The following FBXO42 variants were observed in gnomAD, a reference collection of about 807,000 sequenced individuals.
The protein encoded by FBXO42 is F-box only protein 42.
A neutral mutation model predicts 71.7 loss-of-function variants in FBXO42; 12 were observed. The ratio of observed to expected loss-of-function variants is 0.17; its 90% CI spans 0.11 to 0.27. The LOEUF is 0.27. Ranked by LOEUF, FBXO42 falls within the 10% of genes least tolerant of loss-of-function variation. The pLI is 1.00. For synonymous variants in FBXO42, 325 were observed against 327.5 expected (o/e 0.99, Z 0.08); for missense variants, 707 against 911.9 (o/e 0.78, Z 2.89).
At chr1:16,328,031 C>T (rs1337517856) in intron 1 of FBXO42, among the ~76,000 whole-genome samples, 1 of 152,060 alleles carries the variant, frequency 6.6e-6, no homozygotes, top group East Asian at 1.9e-4. Context: ...AAATGATAGA[C>T]ATATCCAAGT....
intron 4 of FBXO42, among the ~76,000 whole-genome samples, chr1:16,291,751 A>G (rs937934772): frequency 6.6e-6 from 1 of 152,060 alleles, no homozygotes; most frequent in African/African-American, 2.4e-5. Flanking sequence ...CACTCACTGT[A>G]GCCTTGAACT....
chr1:16,264,865 T>C (rs1456656300), intron 4 of FBXO42, among the ~76,000 whole-genome samples: 1 of 152,234 alleles, frequency 6.6e-6, no homozygotes, highest in African/African-American at 2.4e-5. Context: ...ATTTCACATA[T>C]GATGGTGGTA....
intron 4 of FBXO42, among the ~76,000 whole-genome samples, chr1:16,286,321 G>A (rs772011414): frequency 1.3e-5 from 2 of 152,176 alleles, no homozygotes; most frequent in Non-Finnish European, 2.9e-5. Flanking sequence ...TTGACTCACA[G>A]TTCCGCATTG....
intron 2 of FBXO42, among the ~76,000 whole-genome samples, chr1:16,310,014 T>C (rs989159928): frequency 6.6e-6 from 1 of 151,404 alleles, no homozygotes; most frequent in African/African-American, 2.4e-5. Flanking sequence ...GCTAACACAG[T>C]GAAACCCCGT....
chr1:16,310,736 T>C (rs2082304704), intron 2 of FBXO42, among the ~76,000 whole-genome samples: 3 of 152,160 alleles, frequency 2.0e-5, no homozygotes. Flanking sequence ...GGCTCACGTC[T>C]GTAATCCTAG....
At chr1:16,255,059 G>T (rs966184171) in intron 6 of FBXO42, among the ~76,000 whole-genome samples, 15 of 152,142 alleles carry the variant, frequency 9.9e-5, no homozygotes, top group African/African-American at 3.1e-4. Flanking sequence ...AGCCCAAAAG[G>T]GCAAGAGCTG....
intron 1 of FBXO42, among the ~76,000 whole-genome samples, chr1:16,346,513 C>T (rs1027634635): frequency 6.6e-6 from 1 of 151,596 alleles, no homozygotes; most frequent in Non-Finnish European, 1.5e-5. Flanking sequence ...ACAGTGAAAC[C>T]CCGTCTCCAC....
At chr1:16,320,360 CAAAAAAA>C (rs35441053) in intron 1 of FBXO42, among the ~76,000 whole-genome samples, 1 of 113,486 alleles carries the variant, frequency 8.8e-6, no homozygotes, top group Non-Finnish European at 1.7e-5. Context: ...AACTCCATGT[CAAAAAAA>C]AAAAAAAAAA....
Position 16,247,085 on chromosome 1 carries a change from G to C in FBXO42, c.*3585C>G, listed in dbSNP as rs2081541515. 1.3e-5 allele frequency: 2 copies of C among 152,248 alleles called. No homozygotes were observed. The highest frequency in any genetic ancestry group is 2.9e-5 in the Non-Finnish European group (2 of 68,074). The allele number at this position is 152,248 out of a possible 1,614,324, so 9.4% of individuals were successfully genotyped here. On this transcript the variant is annotated 3_prime_UTR_variant, in exon 10 of 10. Transcript: ENST00000375592. ...TGTGCACTGACATGAACCCTGGTTG[G>C]AGGGAGGGGAGCAGAGCAAGTAGAG...
chr1:16,270,334 A>C (rs1483193981), intron 4 of FBXO42, among the ~76,000 whole-genome samples: 2 of 152,176 alleles, frequency 1.3e-5, no homozygotes, highest in African/African-American at 2.4e-5. Flanking sequence ...CATTCAAACC[A>C]TGGCAAGCCC....
At chr1:16,311,030 T>C (rs1028289922) in intron 2 of FBXO42, among the ~76,000 whole-genome samples, 2 of 145,500 alleles carry the variant, frequency 1.4e-5, no homozygotes, top group African/African-American at 5.2e-5. Context: ...ACAACCCAAT[T>C]AAAAAATGGG....
chr1:16,287,024 C>T (rs2082028686), intron 4 of FBXO42, among the ~76,000 whole-genome samples: 1 of 152,226 alleles, frequency 6.6e-6, no homozygotes, highest in South Asian at 2.1e-4. Flanking sequence ...TTGCCCTCTT[C>T]TCAGAAACCT....
intron 3 of FBXO42, among the ~76,000 whole-genome samples, chr1:16,296,105 T>C (rs2082126227): frequency 6.6e-6 from 1 of 152,206 alleles, no homozygotes; most frequent in South Asian, 2.1e-4. Flanking sequence ...CTAGAAAAGA[T>C]GCATGAGTGC....
chr1:16,308,459 A>C (rs527999009), intron 2 of FBXO42, among the ~76,000 whole-genome samples: 4 of 150,126 alleles, frequency 2.7e-5, no homozygotes, highest in African/African-American at 4.9e-5. Context: ...CAGCCATTGA[A>C]TTTCAGCCTG....
chr1:16,329,810 A>AC, intron 1 of FBXO42, among the ~76,000 whole-genome samples: 1 of 149,406 alleles, frequency 6.7e-6, no homozygotes, highest in East Asian at 2.1e-4. Context: ...TTAGCTGGGC[A>AC]TGGTGGTGCG....
chr1:16,252,290 G>C lies in FBXO42; in HGVS notation c.1036C>G (p.Arg346Gly), dbSNP rs759666723. ...TAGCCTGTCAGCTCCCTGCTTACCC[G>C]GCAAGCTGGATGGCACCACAGTTCT... ...APELWCHPAC[R>G]VGQCVVVFSQ... is the part of the protein sequence containing the mutation. Residue 346 changes from arginine to glycine, a missense_variant and splice_region_variant, in exon 9 of 10, where the codon CGG (arginine) becomes GGG (glycine). Transcript: ENST00000375592. This position sits in a 1 kb window ranked among gnomAD's most constrained non-coding sequence, Gnocchi z 4.4. 6.2e-7 allele frequency: 1 copy of C among 1,613,096 alleles called. No individual in the cohort carries two copies. The highest frequency in any genetic ancestry group is 1.7e-5 in the Admixed American group (1 of 60,012).
At chr1:16,255,635 C>T (rs2081634787) in intron 6 of FBXO42, 76 bp downstream of exon 6, 1 of 1,268,818 alleles carries the variant, frequency 7.9e-7, no homozygotes, top group Non-Finnish European at 1.1e-6. Flanking sequence ...CACCTGGTCC[C>T]TAATTCACTT....
At chr1:16,269,768 G>A (rs753311800) in intron 4 of FBXO42, among the ~76,000 whole-genome samples, 3 of 151,766 alleles carry the variant, frequency 2.0e-5, no homozygotes, top group Admixed American at 1.3e-4. Flanking sequence ...CAGGTGATCC[G>A]CCTACCTCGG....
intron 3 of FBXO42, among the ~76,000 whole-genome samples, chr1:16,303,568 A>ATT (rs35346839): frequency 3.5e-5 from 5 of 141,378 alleles, no homozygotes; most frequent in Admixed American, 7.2e-5. Flanking sequence ...CAAGAAGATA[A>ATT]TTTTTTTTTT....
Sources: gnomAD v4.1 joint callset for allele counts (sites outside exome capture counted in the v4.1 genomes callset) on GRCh38, gnomAD v4.1.1 for gene constraint, Gnocchi (gnomAD v3.1) non-coding constraint, MANE v1.5 for transcripts, NCBI Gene and HGNC (gene_info 2026-07-23, HGNC 2026-07-21) for gene names.